The following LRRC3B variants were observed in gnomAD, a reference collection of about 807,000 sequenced individuals.
LRRC3B encodes leucine rich repeat containing 3B.
A neutral mutation model predicts 12.8 loss-of-function variants in LRRC3B; 2 were observed. The observed-to-expected ratio is 0.16, with a 90% CI of 0.06 to 0.49. The LOEUF (loss-of-function observed/expected upper bound fraction) is 0.49. Among genes scored for constraint, LRRC3B ranks in the 20% least tolerant of loss-of-function variants. The pLI, the probability that LRRC3B is intolerant of heterozygous loss-of-function variation, is 0.96. For missense variants in LRRC3B, 189 were observed against 319.4 expected (o/e 0.59, Z 3.11); for synonymous variants, 132 against 122.0 (o/e 1.08, Z -0.54).
chr3:26,641,117 T>C (rs1699022364), intron 1 of LRRC3B, among the ~76,000 whole-genome samples: 1 of 152,154 alleles, frequency 6.6e-6, no homozygotes, highest in African/African-American at 2.4e-5. Context: ...CCTCTACTGC[T>C]AGTGGTGGGA....
At chr3:26,653,353 T>C (rs967295751) in intron 1 of LRRC3B, among the ~76,000 whole-genome samples, 2 of 152,188 alleles carry the variant, frequency 1.3e-5, no homozygotes, top group Non-Finnish European at 2.9e-5. Flanking sequence ...TTCTGTCATT[T>C]TTTTTACAGA....
intron 1 of LRRC3B, among the ~76,000 whole-genome samples, chr3:26,661,148 G>A (rs1253007202): frequency 1.3e-5 from 2 of 152,112 alleles, no homozygotes; most frequent in Non-Finnish European, 2.9e-5. Context: ...CCTAACACTT[G>A]CACACACACA....
At chr3:26,673,547 G>C (rs1699796225) in intron 1 of LRRC3B, among the ~76,000 whole-genome samples, 1 of 152,200 alleles carries the variant, frequency 6.6e-6, no homozygotes. Context: ...ACTTTCTGGT[G>C]CTTGCCTGTT....
chr3:26,633,872 G>A (rs1414387957), intron 1 of LRRC3B, among the ~76,000 whole-genome samples: 1 of 152,120 alleles, frequency 6.6e-6, no homozygotes, highest in Admixed American at 6.5e-5. Flanking sequence ...CCTGTTGCCT[G>A]CACCAATATA....
chr3:26,630,547 A>G (rs73821151), intron 1 of LRRC3B, among the ~76,000 whole-genome samples: 4,258 of 152,308 alleles, frequency 0.028, 229 homozygotes, highest in African/African-American at 0.098. Flanking sequence ...AGGAATGGGC[A>G]TAAATGCTAC....
intron 1 of LRRC3B, among the ~76,000 whole-genome samples, chr3:26,692,590 T>C (rs1050305611): frequency 2.6e-5 from 4 of 152,192 alleles, no homozygotes; most frequent in Admixed American, 2.6e-4. Flanking sequence ...AATTACAAAA[T>C]TTTAAAATGA....
chr3:26,689,155 G>T (rs559801928), intron 1 of LRRC3B, among the ~76,000 whole-genome samples: 1 of 152,258 alleles, frequency 6.6e-6, no homozygotes, highest in African/African-American at 2.4e-5. Context: ...CTCCCTAAGG[G>T]TTGAAAATGA....
At chr3:26,640,469 ATG>A (rs386659547) in intron 1 of LRRC3B, among the ~76,000 whole-genome samples, 5,169 of 139,452 alleles carry the variant, frequency 0.037, 169 homozygotes, top group East Asian at 0.18. Flanking sequence ...AAACAAACAA[ATG>A]AAAACGCTGC....
At chr3:26,628,423 GA>G (rs35313598) in intron 1 of LRRC3B, among the ~76,000 whole-genome samples, 102,195 of 134,002 alleles carry the variant, frequency 0.76, 38,071 homozygotes, top group Middle Eastern at 0.85. Context: ...GAAGATACTG[GA>G]AAAAAAAAAA....
At chr3:26,662,367 G>T (rs1185608590) in intron 1 of LRRC3B, among the ~76,000 whole-genome samples, 1 of 152,116 alleles carries the variant, frequency 6.6e-6, no homozygotes, top group Non-Finnish European at 1.5e-5. Context: ...ATATACAGTT[G>T]TTGAAATATT....
chr3:26,709,565 T>C, exon 2 of LRRC3B: 1 of 1,144,628 alleles, frequency 8.7e-7, no homozygotes. Context: ...AGCTGCAGCC[T>C]TTTGAAACAC....
intron 1 of LRRC3B, among the ~76,000 whole-genome samples, chr3:26,680,207 G>T (rs1314282740): frequency 1.3e-5 from 2 of 152,152 alleles, no homozygotes; most frequent in Non-Finnish European, 2.9e-5. Flanking sequence ...ACAGGCACAG[G>T]TGCTTCCCAG....
At chr3:26,708,508 G>C (rs1416774828) in intron 1 of LRRC3B, among the ~76,000 whole-genome samples, 1 of 103,182 alleles carries the variant, frequency 9.7e-6, no homozygotes, top group African/African-American at 2.8e-5. Context: ...TTGACCTTGG[G>C]TAAGTAACCT....
At chr3:26,709,602 A>G in exon 2 of LRRC3B, 1 of 1,460,518 alleles carries the variant, frequency 6.8e-7, no homozygotes, top group Non-Finnish European at 9.4e-7. Flanking sequence ...TAGTGTGGAC[A>G]GGGCTGGAAC....
intron 1 of LRRC3B, among the ~76,000 whole-genome samples, chr3:26,626,979 T>G (rs1384508602): frequency 1.3e-5 from 2 of 152,342 alleles, no homozygotes; most frequent in East Asian, 3.9e-4. Context: ...ATTCTTGGAT[T>G]TCTCCTGGAT....
chr3:26,629,800 G>A (rs187102704), intron 1 of LRRC3B, among the ~76,000 whole-genome samples: 85 of 152,190 alleles, frequency 5.6e-4, no homozygotes, highest in African/African-American at 2.0e-3. Context: ...ATTCCCAAAG[G>A]GAAGATGTAC....
intron 1 of LRRC3B, among the ~76,000 whole-genome samples, chr3:26,674,803 C>T (rs1298124788): frequency 6.6e-6 from 1 of 152,178 alleles, no homozygotes; most frequent in Non-Finnish European, 1.5e-5. Flanking sequence ...ACAACCTTCT[C>T]TCTACTTCTT....
At chr3:26,705,649 T>C (rs139830868) in intron 1 of LRRC3B, among the ~76,000 whole-genome samples, 83 of 152,212 alleles carry the variant, frequency 5.5e-4, no homozygotes, top group Non-Finnish European at 9.9e-4. Flanking sequence ...TTTGGGTTTG[T>C]GTGTAGTTGT....
rs146210927 is a variant in LRRC3B, at chr3:26,632,377, G to T, written c.-161+9140G>T. ...GTATGGCTTAATAGATCCTTGTTTAGCAATGGGCAGGTCTATGCAAACCTA... is the reference window on the plus strand; with the variant it reads ...GTATGGCTTAATAGATCCTTGTTTATCAATGGGCAGGTCTATGCAAACCTA... On this transcript the variant is annotated intron_variant, in intron 1 of 1. Transcript: ENST00000396641. Among the ~76,000 whole-genome samples the T allele has an allele frequency of 1.6e-3, 240 of 152,272 alleles. 1 individual carries two copies. The highest frequency in any genetic ancestry group is 6.8e-3 in the Middle Eastern group (2 of 294).
Sources: allele counts gnomAD v4.1 joint callset (sites outside exome capture counted in the v4.1 genomes callset), GRCh38; gene constraint gnomAD v4.1.1; transcripts MANE v1.5; gene names NCBI Gene and HGNC (gene_info 2026-07-23, HGNC 2026-07-21).